Variants in KCNIP1 observed in about 807,000 individuals in gnomAD.
The protein encoded by KCNIP1 is potassium voltage-gated channel interacting protein 1, also known as A-type potassium channel modulatory protein KCNIP1.
Under a neutral mutation model 33.0 loss-of-function variants are expected in KCNIP1, and 18 were observed. The ratio of observed to expected loss-of-function variants is 0.55; its 90% CI spans 0.38 to 0.81. The LOEUF is 0.81. KCNIP1 is among the 30% of genes least tolerant of loss of function. The pLI is 0.00. For missense variants in KCNIP1, 238 were observed against 271.6 expected (o/e 0.88, Z 0.87); for synonymous variants, 93 against 98.3 (o/e 0.95, Z 0.32).
intron 1 of KCNIP1, among the ~76,000 whole-genome samples, chr5:170,615,371 T>C (rs1335623438): frequency 6.6e-6 from 1 of 152,152 alleles, no homozygotes; most frequent in Non-Finnish European, 1.5e-5. Context: ...AGACCGTGGC[T>C]CCTTCGCAGA....
intron 1 of KCNIP1, among the ~76,000 whole-genome samples, chr5:170,693,237 C>CG (rs1762781011): frequency 8.6e-6 from 1 of 115,720 alleles, no homozygotes; most frequent in Admixed American, 9.5e-5. Context: ...TCCCTGGGGA[C>CG]GGGCCAGCCC....
intron 1 of KCNIP1, among the ~76,000 whole-genome samples, chr5:170,637,146 T>C (rs1233512072): frequency 6.6e-6 from 1 of 152,150 alleles, no homozygotes; most frequent in Admixed American, 6.5e-5. Context: ...GTACCCTGCA[T>C]ATGTGAACCA....
At chr5:170,499,488 G>A (rs1338120765), upstream of KCNIP1, among the ~76,000 whole-genome samples, 2 of 152,210 alleles carry the variant, frequency 1.3e-5, no homozygotes, top group Non-Finnish European at 2.9e-5. Context: ...GAAGCTGAAA[G>A]CAGGGTTCAG....
At chr5:170,408,773 A>T (rs1240387675) in intron 1 of KCNIP1, among the ~76,000 whole-genome samples, 1 of 152,212 alleles carries the variant, frequency 6.6e-6, no homozygotes, top group African/African-American at 2.4e-5. Context: ...CTTGTCAAAA[A>T]AACCTTAGCT....
intron 1 of KCNIP1, among the ~76,000 whole-genome samples, chr5:170,604,555 C>T (rs1340377425): frequency 6.6e-6 from 1 of 152,098 alleles, no homozygotes; most frequent in East Asian, 1.9e-4. Flanking sequence ...CTGTGAATGG[C>T]GAGGCTTTGT....
chr5:170,468,762 C>T (rs1302322664), intron 1 of KCNIP1, among the ~76,000 whole-genome samples: 1 of 151,678 alleles, frequency 6.6e-6, no homozygotes, highest in Non-Finnish European at 1.5e-5. Flanking sequence ...GGTGGCACAC[C>T]GCTACTTAGG....
In KCNIP1 at chr5:170,650,471, G is replaced by A. The variant is rs182828186; in HGVS notation, c.62-68287G>A. On this transcript the variant is annotated intron_variant, in intron 1 of 7. Transcript: ENST00000328939. Reference sequence around the variant, plus strand: ...CTTCTTTTATTCTGCATTATTCTGGGACTCATTCACGTTGTGTAACTGAAT... The same window carrying A: ...CTTCTTTTATTCTGCATTATTCTGGAACTCATTCACGTTGTGTAACTGAAT... Among the ~76,000 whole-genome samples the A allele has an allele frequency of 5.9e-5, 9 of 152,238 alleles. No individual in the cohort carries two copies. In the East Asian group the frequency reaches 1.7e-3, roughly 29 times the overall value.
At chr5:170,507,192 T>C (rs1754754281) in intron 1 of KCNIP1, among the ~76,000 whole-genome samples, 1 of 152,142 alleles carries the variant, frequency 6.6e-6, no homozygotes, top group African/African-American at 2.4e-5. Flanking sequence ...AAGAGAGCAG[T>C]TGGGATTTTT....
intron 1 of KCNIP1, among the ~76,000 whole-genome samples, chr5:170,454,868 G>C (rs1242111627): frequency 1.3e-5 from 2 of 151,950 alleles, no homozygotes; most frequent in Admixed American, 6.6e-5. Flanking sequence ...TTCAATGAAG[G>C]TTAAAAAAAT....
intron 1 of KCNIP1, among the ~76,000 whole-genome samples, chr5:170,371,790 T>C (rs1763852658): frequency 1.3e-5 from 2 of 152,216 alleles, no homozygotes; most frequent in Admixed American, 1.3e-4. Flanking sequence ...AGTGGCTCCA[T>C]CTTGCTATAG....
intron 1 of KCNIP1, among the ~76,000 whole-genome samples, chr5:170,662,306 C>T (rs1761530765): frequency 6.6e-6 from 1 of 152,122 alleles, no homozygotes; most frequent in Non-Finnish European, 1.5e-5. Context: ...TTATAAGGTG[C>T]CCTGGCACTG....
chr5:170,622,369 C>T (rs1015026230), intron 1 of KCNIP1, among the ~76,000 whole-genome samples: 4 of 152,110 alleles, frequency 2.6e-5, no homozygotes, highest in African/African-American at 9.7e-5. Context: ...CGCCTGTAAT[C>T]CCAGCACTTT....
chr5:170,476,841 C>T (rs1756867905), intron 1 of KCNIP1, among the ~76,000 whole-genome samples: 1 of 152,132 alleles, frequency 6.6e-6, no homozygotes, highest in African/African-American at 2.4e-5. Flanking sequence ...ATATTCTCAC[C>T]ACATCCTCGC....
chr5:170,452,045 C>A (rs1206747751), intron 1 of KCNIP1, among the ~76,000 whole-genome samples: 3 of 152,074 alleles, frequency 2.0e-5, no homozygotes, highest in African/African-American at 7.2e-5. Flanking sequence ...TCCATGGACA[C>A]CCCTGTGACT....
intron 1 of KCNIP1, among the ~76,000 whole-genome samples, chr5:170,419,444 A>C (rs1249488617): frequency 2.0e-5 from 3 of 152,240 alleles, no homozygotes; most frequent in Non-Finnish European, 4.4e-5. Context: ...AAGAAGGAAG[A>C]AGATAGAACT....
upstream of KCNIP1, among the ~76,000 whole-genome samples, chr5:170,501,526 C>T (rs556753490): frequency 3.6e-4 from 55 of 152,336 alleles, no homozygotes; most frequent in African/African-American, 1.2e-3. Context: ...ATTGCAAACA[C>T]GTCCAGAAGC....
chr5:170,431,988 G>A lies in KCNIP1; in HGVS notation c.88+78024G>A, dbSNP rs767506607. ...TTCCATCTCATGGTTGAGCTGTTTG[G>A]CCTCAATGGCATTTTATCTCTCTCT... On this transcript the variant is annotated intron_variant, in intron 1 of 7. Transcript: ENST00000377360. 8.0e-4 allele frequency among the ~76,000 whole-genome samples: 122 copies of A among 151,778 alleles called. 1 individual carries two copies. The highest frequency in any genetic ancestry group is 6.6e-4 in the Admixed American group (10 of 15,256).
At chr5:170,633,647 G>C (rs1760149461) in intron 1 of KCNIP1, among the ~76,000 whole-genome samples, 1 of 143,348 alleles carries the variant, frequency 7.0e-6, no homozygotes, top group African/African-American at 2.6e-5. Context: ...ACTAAGAGGA[G>C]AGGAGAGGTC....
At chr5:170,361,545 C>T (rs1043288551) in intron 1 of KCNIP1, among the ~76,000 whole-genome samples, 5 of 152,156 alleles carry the variant, frequency 3.3e-5, no homozygotes, top group African/African-American at 4.8e-5. Flanking sequence ...GGGTTTGAGT[C>T]CAAATCCTCA....
Sources: allele counts gnomAD v4.1 joint callset (sites outside exome capture counted in the v4.1 genomes callset), GRCh38; gene constraint gnomAD v4.1.1; transcripts MANE v1.5; gene names NCBI Gene and HGNC (gene_info 2026-07-23, HGNC 2026-07-21).